ZNF407: variants seen among roughly 807,000 people sequenced by gnomAD.
ZNF407 encodes the protein zinc finger protein 407.
ZNF407 carries 17 observed loss-of-function variants against 131.2 expected under a neutral mutation model. That is an observed-to-expected ratio of 0.13 (90% CI 0.09 to 0.19). The LOEUF is 0.19. ZNF407 is among the 10% of genes least tolerant of loss of function. The pLI, the probability that ZNF407 is intolerant of heterozygous loss-of-function variation, is 1.00. For synonymous variants in ZNF407, 1,156 were observed against 1,062.0 expected, an observed-to-expected ratio of 1.09 and a Z score of -1.72; for missense variants, 2,681 against 2,830.6, an observed-to-expected ratio of 0.95 and a Z score of 1.20.
Position 74,899,267 on chromosome 18 carries a change from A to T in ZNF407, c.5249+9229A>T, listed in dbSNP as rs573210709. Among the ~76,000 whole-genome samples the T allele has an allele frequency of 2.6e-5, 4 of 152,346 alleles. No homozygotes were observed. The East Asian group carries it at 5.8e-4, about 22-fold the overall frequency. On this transcript the variant is annotated intron_variant, in intron 7 of 8. Transcript: ENST00000299687. ...CAGGAGACAGGAGACCATTTAAAAGACAATTGCAAAGGTACACGCAGAAAA... is the reference window on the plus strand; with the variant it reads ...CAGGAGACAGGAGACCATTTAAAAGTCAATTGCAAAGGTACACGCAGAAAA...
intron 1 of ZNF407, among the ~76,000 whole-genome samples, chr18:74,617,932 C>T (rs1983385469): frequency 6.6e-6 from 1 of 152,130 alleles, no homozygotes; most frequent in African/African-American, 2.4e-5. Flanking sequence ...ATCTCCAGCA[C>T]TCCCTCCATT....
At chr18:74,928,157 A>C (rs1251177585) in intron 8 of ZNF407, among the ~76,000 whole-genome samples, 1 of 152,204 alleles carries the variant, frequency 6.6e-6, no homozygotes, top group African/African-American at 2.4e-5. Flanking sequence ...ATAGCCAAAG[A>C]CATCAATCAA....
At chr18:74,791,466 G>A (rs566843396) in intron 4 of ZNF407, among the ~76,000 whole-genome samples, 16 of 152,234 alleles carry the variant, frequency 1.1e-4, no homozygotes, top group Non-Finnish European at 1.5e-4. Flanking sequence ...TAAGCCTATC[G>A]TGGAAGAAGG....
At chr18:74,964,928 C>T (rs1176623579) in intron 8 of ZNF407, among the ~76,000 whole-genome samples, 1 of 152,198 alleles carries the variant, frequency 6.6e-6, no homozygotes, top group African/African-American at 2.4e-5. Flanking sequence ...TTGTATGGCA[C>T]AGAGATCTGC....
chr18:74,669,322 G>A (rs1236093919), intron 3 of ZNF407, among the ~76,000 whole-genome samples: 3 of 152,202 alleles, frequency 2.0e-5, no homozygotes, highest in Non-Finnish European at 4.4e-5. Flanking sequence ...ATATGGGGTA[G>A]GACCCCATGG....
intron 3 of ZNF407, among the ~76,000 whole-genome samples, chr18:74,719,645 C>G (rs1295503525): frequency 6.6e-6 from 1 of 152,292 alleles, no homozygotes; most frequent in Admixed American, 6.5e-5. Flanking sequence ...CCTCGTGATC[C>G]TCCCGCCTCA....
intron 4 of ZNF407, among the ~76,000 whole-genome samples, chr18:74,857,768 A>C (rs1427398446): frequency 6.6e-6 from 1 of 151,984 alleles, no homozygotes; most frequent in Non-Finnish European, 1.5e-5. Context: ...TTGTCCATGT[A>C]CTTTTATTGT....
chr18:74,889,561 G>C (rs1378229957), intron 6 of ZNF407, among the ~76,000 whole-genome samples: 1 of 151,898 alleles, frequency 6.6e-6, no homozygotes, highest in African/African-American at 2.4e-5. Context: ...GCCTATCCTT[G>C]GTTTTAACCT....
intron 3 of ZNF407, among the ~76,000 whole-genome samples, chr18:74,778,449 C>T (rs770210997): frequency 1.3e-5 from 2 of 152,130 alleles, no homozygotes; most frequent in Non-Finnish European, 2.9e-5. Flanking sequence ...AATTTATTCT[C>T]CTACCACTTG....
At chr18:75,011,120 G>T (rs1045420327) in intron 8 of ZNF407, among the ~76,000 whole-genome samples, 2 of 152,118 alleles carry the variant, frequency 1.3e-5, no homozygotes, top group Non-Finnish European at 2.9e-5. Context: ...CTCTTGGCTT[G>T]TGTTTAGTTT....
chr18:74,834,096 C>G (rs1307491670), intron 4 of ZNF407, among the ~76,000 whole-genome samples: 1 of 152,164 alleles, frequency 6.6e-6, no homozygotes, highest in East Asian at 1.9e-4. Flanking sequence ...TCAAACTTTG[C>G]TGTATATACT....
rs1278224608 is a variant in ZNF407 at position 74,612,635 on chromosome 18, C to T, written c.-54+14698C>T. Among the ~76,000 whole-genome samples the T allele has an allele frequency of 2.9e-4, 44 of 152,140 alleles. 1 individual carries two copies. The highest frequency in any genetic ancestry group is 2.9e-3 in the Admixed American group (44 of 15,286). ...GATAATTATTAATACTTACTGAGCA[C>T]CTACTGTGTGCCAGGCACTGATATG... On this transcript the variant is annotated intron_variant, in intron 1 of 8. Transcript: ENST00000299687.
intron 3 of ZNF407, among the ~76,000 whole-genome samples, chr18:74,679,686 C>A (rs985564092): frequency 6.6e-6 from 1 of 152,228 alleles, no homozygotes; most frequent in African/African-American, 2.4e-5. Flanking sequence ...TCCTCACACA[C>A]AGTTGCTTCT....
intron 8 of ZNF407, among the ~76,000 whole-genome samples, chr18:75,058,853 A>G (rs1240701847): frequency 1.3e-5 from 2 of 152,266 alleles, no homozygotes; most frequent in East Asian, 3.8e-4. Flanking sequence ...TTGAACTTCT[A>G]CATAGCTCAA....
chr18:74,968,545 C>G (rs1288562023), intron 8 of ZNF407, among the ~76,000 whole-genome samples: 1 of 152,088 alleles, frequency 6.6e-6, no homozygotes, highest in Non-Finnish European at 1.5e-5. Context: ...CTCTTCACAC[C>G]TGAAATATAG....
chr18:74,938,478 C>G lies in ZNF407; in HGVS notation c.5428+17786C>G, dbSNP rs149393917. On this transcript the variant is annotated intron_variant, in intron 8 of 8. Transcript: ENST00000299687. ...CTCTGTCTCTTTGACACATAGTGTA[C>G]CCTTTTAGATCGTCTTAATTTTTTT... is the stretch of plus-strand genomic sequence containing the variant. Among the ~76,000 whole-genome samples the G allele has an allele frequency of 1.2e-3, 179 of 152,194 alleles. 2 individuals are homozygous for G. The highest frequency in any genetic ancestry group is 4.0e-3 in the African/African-American group (167 of 41,522).
chr18:74,639,838 T>G (rs1984626998), intron 2 of ZNF407, among the ~76,000 whole-genome samples: 1 of 152,182 alleles, frequency 6.6e-6, no homozygotes, highest in Admixed American at 6.5e-5. Context: ...CTAAAATTTT[T>G]TACTGAGTGC....
chr18:74,777,427 C>T, intron 3 of ZNF407, among the ~76,000 whole-genome samples: 1 of 152,082 alleles, frequency 6.6e-6, no homozygotes, highest in East Asian at 1.9e-4. Flanking sequence ...GCAGTTCTAG[C>T]ATGGATCTTG....
intron 8 of ZNF407, among the ~76,000 whole-genome samples, chr18:74,998,461 GCTTT>G (rs1017989322): frequency 2.0e-5 from 3 of 151,966 alleles, no homozygotes; most frequent in Non-Finnish European, 4.4e-5. Context: ...TCCATATAAT[GCTTT>G]CTTTCTTTCA....
Sources: gnomAD v4.1 joint callset for allele counts (sites outside exome capture counted in the v4.1 genomes callset) on GRCh38, gnomAD v4.1.1 for gene constraint, MANE v1.5 for transcripts, NCBI Gene and HGNC (gene_info 2026-07-23, HGNC 2026-07-21) for gene names.